The following ACTL8 variants were observed in gnomAD, a reference collection of about 807,000 sequenced individuals.
ACTL8 encodes the protein actin-like protein 8.
In ACTL8, 3 loss-of-function variants were observed where a neutral mutation model predicts 9.3. That is an observed-to-expected ratio of 0.32 (90% CI 0.15 to 0.83). ACTL8 has a LOEUF of 0.83. ACTL8 is among the 40% of genes least tolerant of loss of function. The pLI, the probability that ACTL8 is intolerant of heterozygous loss-of-function variation, is 0.57. For missense variants in ACTL8, 381 were observed against 492.2 expected, an observed-to-expected ratio of 0.77 and a Z score of 2.14; for synonymous variants, 224 against 205.9, an observed-to-expected ratio of 1.09 and a Z score of -0.75.
Position 17,826,591 on chromosome 1 carries a change from C to G in ACTL8, c.*72C>G. The G allele has an allele frequency of 1.2e-5, 16 of 1,379,774 alleles. No homozygotes were observed. The highest frequency in any genetic ancestry group is 1.4e-5 in the Non-Finnish European group (15 of 1,041,860). 85.5% of individuals were successfully genotyped at this position (1,379,774 alleles called of 1,614,324 possible). A position where few individuals can be genotyped will look rare whatever the true frequency, so the allele number is the denominator to read the frequency against. ...GGCGGATTAATTTTAGCAAAATGTTCTGGGTGGGGGTAGAATGAGGTGGGG... is the reference window on the plus strand; with the variant it reads ...GGCGGATTAATTTTAGCAAAATGTTGTGGGTGGGGGTAGAATGAGGTGGGG... On this transcript the variant is annotated 3_prime_UTR_variant, in exon 3 of 3. Coordinates refer to ENST00000375406, the MANE Select transcript of ACTL8 (RefSeq NM_030812.3). This position sits in a 1 kb window ranked among gnomAD's most constrained non-coding sequence, Gnocchi z 4.5.
intron 2 of ACTL8, 126 bp from the exon 3 acceptor site, chr1:17,825,641 G>A (rs763417733): frequency 1.4e-5 from 18 of 1,243,134 alleles, no homozygotes; most frequent in South Asian, 3.0e-5. Context: ...AGCTCCAGGG[G>A]CCCTGGGCGC....
At chr1:17,762,068 A>G (rs1345846424) in intron 1 of ACTL8, among the ~76,000 whole-genome samples, 1 of 151,928 alleles carries the variant, frequency 6.6e-6, no homozygotes, top group East Asian at 1.9e-4. Context: ...ACCTTACTCA[A>G]GATACTGAGA....
In ACTL8 at chr1:17,823,124, A is replaced by G. The variant is rs546952652; in HGVS notation, c.116A>G (p.Lys39Arg). The G allele has an allele frequency of 6.2e-7, 1 of 1,614,202 alleles. No individual in the cohort carries two copies. The highest frequency in any genetic ancestry group is 1.1e-5 in the South Asian group (1 of 91,082). The change falls in exon 2 of 3, where the codon AAG becomes AGG. Residue 39 changes from lysine to arginine, a missense_variant. Transcript: ENST00000375406. The surrounding 1 kb of genome is among the most constrained non-coding windows in gnomAD (Gnocchi z 5.3). ...AACATCGTGAACTACCTACCGTGCA[A>G]GGAGAACCCTGGCCCCAGCTATGCC... ...FPNIVNYLPCKENPGPSYARR... is the reference protein window; with the variant it reads ...FPNIVNYLPCRENPGPSYARR...
At chr1:17,825,649 C>T (rs993970928) in intron 2 of ACTL8, 118 bp from the exon 3 acceptor site, 14 of 1,329,218 alleles carry the variant, frequency 1.1e-5, no homozygotes, top group Admixed American at 7.4e-5. Flanking sequence ...GGGCCCTGGG[C>T]GCAGCATCCT....
At chr1:17,775,050 T>C (rs934105698) in intron 1 of ACTL8, among the ~76,000 whole-genome samples, 13 of 151,994 alleles carry the variant, frequency 8.6e-5, no homozygotes, top group African/African-American at 3.1e-4. Context: ...TTCCCAAAAG[T>C]TCTAGGAGGA....
At chr1:17,792,045 AG>A (rs943655819) in intron 1 of ACTL8, among the ~76,000 whole-genome samples, 2 of 152,162 alleles carry the variant, frequency 1.3e-5, no homozygotes, top group African/African-American at 4.8e-5. Flanking sequence ...GGCTGGAGCC[AG>A]GGCCTCTTAA....
intron 1 of ACTL8, among the ~76,000 whole-genome samples, chr1:17,822,144 C>T (rs866043206): frequency 6.6e-6 from 1 of 152,166 alleles, no homozygotes; most frequent in Non-Finnish European, 1.5e-5. Context: ...ACACCTAATG[C>T]CTGGTGCCTC....
At chr1:17,812,855 A>G (rs150394742) in intron 1 of ACTL8, among the ~76,000 whole-genome samples, 1 of 152,108 alleles carries the variant, frequency 6.6e-6, no homozygotes, top group Admixed American at 6.5e-5. Context: ...AAGCACATTT[A>G]ATGTTTTGTT....
intron 1 of ACTL8, among the ~76,000 whole-genome samples, chr1:17,788,039 G>A (rs2066211323): frequency 1.3e-5 from 2 of 152,202 alleles, no homozygotes; most frequent in South Asian, 2.1e-4. Context: ...CCCTTTGGCC[G>A]TGCTCTTGTG....
intron 1 of ACTL8, among the ~76,000 whole-genome samples, chr1:17,790,810 C>T (rs1204883971): frequency 6.6e-6 from 1 of 152,256 alleles, no homozygotes; most frequent in South Asian, 2.1e-4. Context: ...GCCCTTAGCC[C>T]TCCCTTGGCT....
intron 2 of ACTL8, among the ~76,000 whole-genome samples, chr1:17,824,227 C>T (rs1318037809): frequency 3.3e-5 from 5 of 152,148 alleles, no homozygotes; most frequent in Non-Finnish European, 7.3e-5. Context: ...GATTGGCAAC[C>T]CAGTGAGCCA....
At chr1:17,811,715 A>G (rs977494963) in intron 1 of ACTL8, among the ~76,000 whole-genome samples, 1 of 152,240 alleles carries the variant, frequency 6.6e-6, no homozygotes, top group African/African-American at 2.4e-5. Context: ...TGTTGAAAAG[A>G]CTATCTTTTC....
intron 2 of ACTL8, among the ~76,000 whole-genome samples, chr1:17,825,319 C>A (rs2053704990): frequency 6.9e-6 from 1 of 145,818 alleles, no homozygotes. Context: ...CGTCTTTTTT[C>A]TTGTCTGTCT....
At chr1:17,771,947 A>G (rs1034258575) in intron 1 of ACTL8, among the ~76,000 whole-genome samples, 20 of 152,190 alleles carry the variant, frequency 1.3e-4, no homozygotes, top group African/African-American at 4.1e-4. Flanking sequence ...GCCTTCTCAA[A>G]TAATCCAGTG....
chr1:17,796,544 C>T (rs1287153005), intron 1 of ACTL8, among the ~76,000 whole-genome samples: 9 of 152,190 alleles, frequency 5.9e-5, no homozygotes, highest in African/African-American at 1.4e-4. Context: ...TGGCAGCCAG[C>T]GGTATATTTG....
At position 17,776,969 on chromosome 1, in the gene ACTL8, ATTTTTTTTTTTTTTTTTTT is replaced by A. The variant is rs765972298; in HGVS notation, c.-25+21483_-25+21501del. Among the ~76,000 whole-genome samples the A allele has an allele frequency of 4.2e-4, 21 of 50,552 alleles. No homozygotes were observed. In the East Asian group the frequency reaches 4.6e-3, roughly 11 times the overall value. The allele number at this position is 50,552 out of a possible 152,430, so 33.2% of individuals were successfully genotyped here. ...CATCCACCACCGTTCCTGGCTAATG[ATTTTTTTTTTTTTTTTTTT>A]TTTTTTTTTTTTTTTTTAGAGATGG... On this transcript the variant is annotated intron_variant, in intron 1 of 2. Transcript: ENST00000375406.
intron 1 of ACTL8, among the ~76,000 whole-genome samples, chr1:17,783,523 T>G (rs2066172637): frequency 6.6e-6 from 1 of 152,194 alleles, no homozygotes; most frequent in Non-Finnish European, 1.5e-5. Context: ...TTAATACTTG[T>G]GTTCCATGCC....
In ACTL8 at chr1:17,775,588, G is replaced by C. The variant is rs889766272; in HGVS notation, c.-25+20084G>C. Among the ~76,000 whole-genome samples, 4 of 152,198 alleles carry C rather than the reference G, an allele frequency of 2.6e-5. No individual in the cohort carries two copies. The East Asian group carries it at 7.7e-4, about 29-fold the overall frequency. On this transcript the variant is annotated intron_variant, in intron 1 of 2. Transcript: ENST00000375406. ...CCTGGACCAGGTATACCACCAAAAG[G>C]CTATCGTTTCCTGCCAAGGTCACCT...
At chr1:17,815,405 A>AT (rs1451018898) in intron 1 of ACTL8, among the ~76,000 whole-genome samples, 2 of 151,808 alleles carry the variant, frequency 1.3e-5, no homozygotes, top group African/African-American at 4.8e-5. Flanking sequence ...TTCCTGAAAG[A>AT]TTTTTTGCTG....
Sources: gnomAD v4.1 joint callset for allele counts (sites outside exome capture counted in the v4.1 genomes callset) on GRCh38, gnomAD v4.1.1 for gene constraint, Gnocchi (gnomAD v3.1) non-coding constraint, MANE v1.5 for transcripts, NCBI Gene and HGNC (gene_info 2026-07-23, HGNC 2026-07-21) for gene names.